The following PRAG1 variants were observed in gnomAD, a reference collection of about 807,000 sequenced individuals.
The protein encoded by PRAG1 is PEAK1 related, kinase-activating pseudokinase 1, also known as inactive tyrosine-protein kinase PRAG1.
A neutral mutation model predicts 95.6 loss-of-function variants in PRAG1; 110 were observed. That is an observed-to-expected ratio of 1.15 (90% confidence interval 0.99 to 1.35). The LOEUF (loss-of-function observed/expected upper bound fraction) is 1.35. Ranked by LOEUF, PRAG1 falls within the 40% of genes most tolerant of loss-of-function variation. The pLI, the probability that PRAG1 is intolerant of heterozygous loss-of-function variation, is 0.00. For synonymous variants in PRAG1, 1,052 were observed against 819.4 expected (o/e 1.28, Z -4.85); for missense variants, 2,554 against 1,864.7 (o/e 1.37, Z -6.81).
In PRAG1 at chr8:8,339,655, A is replaced by C; in HGVS notation, c.2163-20T>G. The C allele has an allele frequency of 6.2e-7, 1 of 1,600,662 alleles. No individual in the cohort carries two copies. The highest frequency in any genetic ancestry group is 1.1e-5 in the South Asian group (1 of 90,766). On this transcript the variant is annotated intron_variant, in intron 3 of 5. Transcript: ENST00000615670. ...AGGTGCCTGGAAAAGGTAGGAACAA[A>C]CAATACAAATAACTCATTGGATTTC...
rs774409992 is a variant in PRAG1 at position 8,376,525 on chromosome 8, G to C, written c.1884C>G (p.Phe628Leu). 4.3e-6 allele frequency: 7 copies of C among 1,609,666 alleles called. No individual in the cohort carries two copies. Among genetic ancestry groups the C allele is most frequent in the African/African-American group, 4.0e-5 (3 of 74,832 alleles). Residue 628 changes from phenylalanine (F) to leucine (L), a missense_variant, in exon 3 of 6, where the codon TTC becomes TTG. Coordinates refer to ENST00000615670, the MANE Select transcript of PRAG1 (RefSeq NM_001080826.3). Reference protein sequence around the residue: ...SSASEQRRPRFQAGTWSRQCR... With the variant: ...SSASEQRRPRLQAGTWSRQCR... ...ACTGACGACTCCAGGTGCCTGCCTGGAACCTGGGCCGCCTCTGTTCCGAGG... is the reference window on the plus strand; with the variant it reads ...ACTGACGACTCCAGGTGCCTGCCTGCAACCTGGGCCGCCTCTGTTCCGAGG...
chr8:8,345,067 G>T (rs192313911), intron 3 of PRAG1, among the ~76,000 whole-genome samples: 4 of 146,140 alleles, frequency 2.7e-5, no homozygotes, highest in African/African-American at 5.5e-5. Flanking sequence ...GTGTGTGTGT[G>T]TGTGTGTGTG....
rs1256903062 is a variant in PRAG1 at position 8,318,220 on chromosome 8, G to A, written c.4155C>T (p.Cys1385=). 2 of 1,614,134 alleles carry A rather than the reference G, an allele frequency of 1.2e-6. No homozygotes were observed. The highest frequency in any genetic ancestry group is 3.3e-5 in the Admixed American group (2 of 60,024). ...CGGGCTCCGCAGACGCCAGGTACTGGCAGCAAAGCCAGTCCTCCAGCTCCA... is the reference window on the plus strand; with the variant it reads ...CGGGCTCCGCAGACGCCAGGTACTGACAGCAAAGCCAGTCCTCCAGCTCCA... The part of the protein sequence containing the change: ...RGVELEDWLC[C]QYLASAEPGA... The change falls in exon 6 of 6, where the codon TGC becomes TGT. Residue 1385 remains cysteine (C), a synonymous_variant. Coordinates refer to ENST00000615670, the MANE Select transcript of PRAG1 (RefSeq NM_001080826.3). The surrounding 1 kb of genome is among the most constrained non-coding windows in gnomAD (Gnocchi z 4.2).
At chr8:8,327,467 G>A (rs1798667966) in intron 5 of PRAG1, among the ~76,000 whole-genome samples, 1 of 152,210 alleles carries the variant, frequency 6.6e-6, no homozygotes, top group Admixed American at 6.5e-5. Context: ...CTACTCAGGA[G>A]GATGAGGCAG....
Position 8,381,537 on chromosome 8 carries a change from C to A in PRAG1, c.211G>T (p.Asp71Tyr), listed in dbSNP as rs199737449. 1 of 1,614,242 alleles carries A rather than the reference C, an allele frequency of 6.2e-7. No individual in the cohort carries two copies. The highest frequency in any genetic ancestry group is 8.5e-7 in the Non-Finnish European group (1 of 1,180,024). The change falls in exon 2 of 6, where the codon GAT (aspartate) becomes TAT (tyrosine). Residue 71 changes from aspartate to tyrosine, a missense_variant. Asp to Tyr is a radical substitution (Grantham distance 160, BLOSUM62 -3). Transcript: ENST00000615670. Reference sequence around the variant, plus strand: ...TAAGGTGAGCTGTTCACACCTTCATCTTCCAGGCGGCAGTTCTCAGGCCTG... The same window carrying A: ...TAAGGTGAGCTGTTCACACCTTCATATTCCAGGCGGCAGTTCTCAGGCCTG... ...PPRPENCRLE[D>Y]EGVNSSPYSK...
chr8:8,382,312 G>T (rs1400545104), intron 1 of PRAG1, among the ~76,000 whole-genome samples: 1 of 152,186 alleles, frequency 6.6e-6, no homozygotes, highest in African/African-American at 2.4e-5. Context: ...ACCAAGAACT[G>T]TGTGAGAGGG....
intron 3 of PRAG1, among the ~76,000 whole-genome samples, chr8:8,357,214 A>G (rs1008137062): frequency 6.6e-6 from 1 of 152,244 alleles, no homozygotes; most frequent in African/African-American, 2.4e-5. Flanking sequence ...CATGTTGTGC[A>G]TCAAAGGACA....
chr8:8,336,919 C>CCG (rs1554504115), intron 4 of PRAG1, among the ~76,000 whole-genome samples: 1 of 146,772 alleles, frequency 6.8e-6, no homozygotes, highest in African/African-American at 2.6e-5. Context: ...CCCCCCTCCC[C>CCG]CCACCTCCGA....
At chr8:8,383,567 G>T (rs989744864) in intron 1 of PRAG1, among the ~76,000 whole-genome samples, 5 of 152,028 alleles carry the variant, frequency 3.3e-5, no homozygotes, top group African/African-American at 1.2e-4. Flanking sequence ...GGTGACTAGA[G>T]TGAGACCCTG....
intron 3 of PRAG1, among the ~76,000 whole-genome samples, chr8:8,356,216 G>C (rs1799677134): frequency 6.6e-6 from 1 of 152,216 alleles, no homozygotes; most frequent in Non-Finnish European, 1.5e-5. Flanking sequence ...AAACCACTGT[G>C]AGATATCACC....
chr8:8,324,965 C>A (rs946231274), intron 5 of PRAG1, among the ~76,000 whole-genome samples: 1 of 152,194 alleles, frequency 6.6e-6, no homozygotes, highest in Non-Finnish European at 1.5e-5. Context: ...TAGGTTCCAG[C>A]ATCAGCAAGG....
At chr8:8,342,431 C>T (rs566750584) in intron 3 of PRAG1, among the ~76,000 whole-genome samples, 5 of 151,938 alleles carry the variant, frequency 3.3e-5, no homozygotes, top group South Asian at 2.1e-4. Flanking sequence ...CCCCTGACCT[C>T]GTGATCTGCC....
At chr8:8,321,239 C>T (rs1279824283) in intron 5 of PRAG1, among the ~76,000 whole-genome samples, 1 of 152,104 alleles carries the variant, frequency 6.6e-6, no homozygotes, top group East Asian at 1.9e-4. Context: ...TGTGCACCAC[C>T]ATGTCCAACT....
chr8:8,376,503 G>A lies in PRAG1; in HGVS notation c.1906C>T (p.Gln636Ter). The A allele has an allele frequency of 6.2e-7, 1 of 1,611,998 alleles. No individual in the cohort carries two copies. Among genetic ancestry groups the A allele is most frequent in the Non-Finnish European group, 8.5e-7 (1 of 1,178,692 alleles). ...TCCTCTTCTTCCTCTATCCGGCACT[G>A]ACGACTCCAGGTGCCTGCCTGGAAC... ...PRFQAGTWSR[Q>*]CRIEEEEEVE... Residue 636 changes from glutamine to a stop codon, truncating the protein, a stop_gained, in exon 3 of 6, where the codon CAG becomes TAG. Coordinates refer to ENST00000615670, the MANE Select transcript of PRAG1 (RefSeq NM_001080826.3). LOFTEE classifies it high-confidence loss of function.
chr8:8,346,772 T>G (rs920942846), intron 3 of PRAG1, among the ~76,000 whole-genome samples: 1 of 152,322 alleles, frequency 6.6e-6, no homozygotes, highest in South Asian at 2.1e-4. Context: ...GACAGCAATA[T>G]TCAAAGTGTG....
intron 5 of PRAG1, among the ~76,000 whole-genome samples, chr8:8,327,454 C>A (rs915504290): frequency 6.6e-6 from 1 of 152,156 alleles, no homozygotes; most frequent in African/African-American, 2.4e-5. Context: ...CAGATAATCC[C>A]AGCTACTCAG....
chr8:8,359,667 G>T (rs919654935), intron 3 of PRAG1, among the ~76,000 whole-genome samples: 1 of 152,068 alleles, frequency 6.6e-6, no homozygotes, highest in Admixed American at 6.6e-5. Context: ...AAAGGAATAC[G>T]GTATTGCTTT....
At chr8:8,319,862 T>C (rs1798418426) in intron 5 of PRAG1, among the ~76,000 whole-genome samples, 1 of 152,210 alleles carries the variant, frequency 6.6e-6, no homozygotes, top group African/African-American at 2.4e-5. Context: ...TCATTATTCA[T>C]CAGGCAAGTG....
intron 1 of PRAG1, among the ~76,000 whole-genome samples, chr8:8,385,112 G>A (rs1800806723): frequency 6.6e-6 from 1 of 152,160 alleles, no homozygotes; most frequent in Non-Finnish European, 1.5e-5. Context: ...TTATTCTGAA[G>A]TGACAGAATT....
Sources: gnomAD v4.1 joint callset for allele counts (sites outside exome capture counted in the v4.1 genomes callset) on GRCh38, gnomAD v4.1.1 for gene constraint, Gnocchi (gnomAD v3.1) non-coding constraint, MANE v1.5 for transcripts, NCBI Gene and HGNC (gene_info 2026-07-23, HGNC 2026-07-21) for gene names.